Variants in DOP1B observed in about 807,000 individuals in gnomAD.
DOP1B encodes the protein protein DOP1B.
A neutral mutation model predicts 233.5 loss-of-function variants in DOP1B; 174 were observed. The observed-to-expected ratio is 0.75, with a 90% CI of 0.66 to 0.85. The LOEUF (loss-of-function observed/expected upper bound fraction) is 0.85, where lower values mean the gene tolerates loss of function less well. Ranked by LOEUF, DOP1B falls within the 40% of genes least tolerant of loss-of-function variation. DOP1B has a pLI of 0.00. For missense variants in DOP1B, 2,652 were observed against 2,846.6 expected, an observed-to-expected ratio of 0.93 and a Z score of 1.56; for synonymous variants, 1,190 against 1,185.6, an observed-to-expected ratio of 1.00 and a Z score of -0.08.
chr21:36,191,469 CTGGCG>C (rs2066233610), intron 2 of DOP1B, among the ~76,000 whole-genome samples: 1 of 152,214 alleles, frequency 6.6e-6, no homozygotes, highest in East Asian at 1.9e-4. Flanking sequence ...CCAGGAGGGG[CTGGCG>C]TGCAAGTGTC....
intron 2 of DOP1B, among the ~76,000 whole-genome samples, chr21:36,176,403 G>A (rs2066031317): frequency 6.6e-6 from 1 of 152,114 alleles, no homozygotes; most frequent in Non-Finnish European, 1.5e-5. Flanking sequence ...GCCTCCTTGT[G>A]TATGAGCTGC....
chr21:36,273,587 G>A (rs1016852036), intron 27 of DOP1B, among the ~76,000 whole-genome samples: 15 of 152,270 alleles, frequency 9.9e-5, no homozygotes, highest in Admixed American at 1.3e-4. Flanking sequence ...TGTGCTGAGA[G>A]ATGAAAGACA....
chr21:36,215,158 A>G (rs1332423488), intron 9 of DOP1B, among the ~76,000 whole-genome samples: 2 of 152,178 alleles, frequency 1.3e-5, no homozygotes, highest in East Asian at 3.9e-4. Context: ...TTTCAATGTC[A>G]TACTTAAAAT....
chr21:36,201,187 C>A (rs1006639788), intron 4 of DOP1B, among the ~76,000 whole-genome samples: 1 of 152,060 alleles, frequency 6.6e-6, no homozygotes, highest in South Asian at 2.1e-4. Flanking sequence ...TGGGCACTTG[C>A]AGCGTGCATT....
chr21:36,256,975 G>A (rs1467707297), intron 23 of DOP1B, among the ~76,000 whole-genome samples: 1 of 152,098 alleles, frequency 6.6e-6, no homozygotes, highest in Non-Finnish European at 1.5e-5. Context: ...GTCCCCAAGA[G>A]CACCCTTCAC....
rs2066749519 is a variant in DOP1B, at chr21:36,230,593, C to T, written c.1809C>T (p.His603=). ...LSASSPELSE[H]LRVPRVSLER... The stretch of plus-strand genomic sequence containing the variant: ...CCTCGTCACCGGAGCTCTCTGAGCA[C>T]TTGAGGGTTCCTCGAGTTTCTCTGG... The change falls in exon 14 of 37, where the codon CAC becomes CAT. Residue 603 remains histidine (H), a synonymous_variant. Coordinates refer to ENST00000691173, the MANE Select transcript of DOP1B (RefSeq NM_001320714.2). 3 of 1,614,110 alleles carry T rather than the reference C, an allele frequency of 1.9e-6. No homozygotes were observed. Among genetic ancestry groups the T allele is most frequent in the South Asian group, 1.1e-5 (1 of 91,090 alleles).
At chr21:36,283,909 T>A (rs2067448257) in intron 32 of DOP1B, among the ~76,000 whole-genome samples, 1 of 151,826 alleles carries the variant, frequency 6.6e-6, no homozygotes, top group Admixed American at 6.6e-5. Flanking sequence ...TTCAGTGCCT[T>A]TTCAGTCTAA....
In DOP1B at chr21:36,246,079, G is replaced by A; in HGVS notation, c.4099G>A (p.Glu1367Lys). The part of the protein sequence containing the change: ...MQLVSVAKSS[E>K]GKNVEFIHSL... The stretch of plus-strand genomic sequence containing the variant: ...GCTGGTCTCAGTGGCCAAGTCTTCG[G>A]AAGGGAAGAACGTGGAGTTCATCCA... Residue 1367 changes from glutamate to lysine, a missense_variant, in exon 19 of 37, where the codon GAA becomes AAA. By Grantham distance (56) the Glu-to-Lys change is moderately conservative. Transcript: ENST00000691173. The surrounding 1 kb of genome is among the most constrained non-coding windows in gnomAD (Gnocchi z 5.1). 6.2e-7 allele frequency: 1 copy of A among 1,614,112 alleles called. No individual in the cohort carries two copies. Among genetic ancestry groups the A allele is most frequent in the Non-Finnish European group, 8.5e-7 (1 of 1,180,032 alleles).
At chr21:36,221,235 G>A (rs539336265) in intron 10 of DOP1B, among the ~76,000 whole-genome samples, 15 of 152,234 alleles carry the variant, frequency 9.9e-5, no homozygotes, top group African/African-American at 2.9e-4. Context: ...GCTCACGCCT[G>A]TAATTTCAGC....
intron 32 of DOP1B, among the ~76,000 whole-genome samples, chr21:36,281,974 CCCCACACACAGATAGA>C (rs1569069954): frequency 6.6e-6 from 1 of 152,150 alleles, no homozygotes; most frequent in South Asian, 2.1e-4. Context: ...CCCTCACTGC[CCCCACACACAGATAGA>C]CCCATGAGGG....
At chr21:36,237,516 T>C in intron 16 of DOP1B, 102 bp downstream of exon 16, 1 of 1,419,084 alleles carries the variant, frequency 7.0e-7, no homozygotes, top group African/African-American at 1.4e-5. Flanking sequence ...TTTCTGGGGC[T>C]GAGTGGACAT....
At chr21:36,240,232 C>T (rs980834097) in intron 18 of DOP1B, among the ~76,000 whole-genome samples, 5 of 152,228 alleles carry the variant, frequency 3.3e-5, no homozygotes, top group African/African-American at 1.2e-4. Flanking sequence ...GTAATCCTAG[C>T]ATTTTGGGAG....
In DOP1B at chr21:36,278,097, T is replaced by A; in HGVS notation, c.5822+13T>A. ...TACGCAACCACAGGTAACGTCATCTTCGCCATTTCTTCCCACCCATATGCA... is the reference window on the plus strand; with the variant it reads ...TACGCAACCACAGGTAACGTCATCTACGCCATTTCTTCCCACCCATATGCA... On this transcript the variant is annotated intron_variant, in intron 29 of 36. Coordinates refer to ENST00000691173, the MANE Select transcript of DOP1B (RefSeq NM_001320714.2). 6.2e-7 allele frequency: 1 copy of A among 1,613,750 alleles called. No individual in the cohort carries two copies. Among genetic ancestry groups the A allele is most frequent in the Non-Finnish European group, 8.5e-7 (1 of 1,179,634 alleles).
At chr21:36,280,080 G>C (rs980032165) in intron 30 of DOP1B, among the ~76,000 whole-genome samples, 2 of 152,174 alleles carry the variant, frequency 1.3e-5, no homozygotes, top group African/African-American at 4.8e-5. Flanking sequence ...TCTCCATGTT[G>C]CTCAGGCTGG....
chr21:36,179,787 C>T (rs865864387), intron 2 of DOP1B, among the ~76,000 whole-genome samples: 5 of 152,264 alleles, frequency 3.3e-5, no homozygotes, highest in Middle Eastern at 3.4e-3. Context: ...GACAAGATCT[C>T]GAAGCCCCTT....
At chr21:36,285,875 T>G (rs7281459) in intron 32 of DOP1B, among the ~76,000 whole-genome samples, 97,810 of 151,180 alleles carry the variant, frequency 0.65, 32,260 homozygotes, top group African/African-American at 0.79. Context: ...GAGCATGGTT[T>G]CAGGCGCCTA....
chr21:36,200,570 G>A, intron 4 of DOP1B, 69 bp downstream of exon 4: 4 of 1,508,846 alleles, frequency 2.7e-6, no homozygotes, highest in African/African-American at 2.8e-5. Context: ...GGGGCCGGGC[G>A]CAGTGGCTCA....
chr21:36,230,312 A>T, intron 13 of DOP1B, 138 bp from the exon 14 acceptor site: 2 of 1,116,190 alleles, frequency 1.8e-6, no homozygotes, highest in Non-Finnish European at 2.5e-6. Context: ...ATTTCATTAT[A>T]CACTTAACAC....
rs2067585602 is a variant in DOP1B, at chr21:36,293,814, C to G, written c.*243C>G. 1 of 408,476 alleles carries G rather than the reference C, an allele frequency of 2.4e-6. No individual in the cohort carries two copies. The allele number at this position is 408,476 out of a possible 1,614,324, so 25.3% of individuals were successfully genotyped here. A position where few individuals can be genotyped will look rare whatever the true frequency, so the allele number is the denominator to read the frequency against. On this transcript the variant is annotated 3_prime_UTR_variant, in exon 37 of 37. Transcript: ENST00000691173. ...CCTGACCAACATGGTGAGACCCTGT[C>G]TCTACTAAAAATACAAAAATTAGCT...
Sources: gnomAD v4.1 joint callset for allele counts (sites outside exome capture counted in the v4.1 genomes callset) on GRCh38, gnomAD v4.1.1 for gene constraint, Gnocchi (gnomAD v3.1) non-coding constraint, MANE v1.5 for transcripts, NCBI Gene and HGNC (gene_info 2026-07-23, HGNC 2026-07-21) for gene names.